The following PHLPP1 variants were observed in gnomAD, a reference collection of about 807,000 sequenced individuals.
PHLPP1 encodes the protein PH domain leucine-rich repeat-containing protein phosphatase 1.
In PHLPP1, 42 loss-of-function variants were observed where a neutral mutation model predicts 117.2. That is an observed-to-expected ratio of 0.36 (90% CI 0.28 to 0.46). The LOEUF is 0.46. PHLPP1 is among the 20% of genes least tolerant of loss of function. PHLPP1 has a pLI of 1.00. For missense variants in PHLPP1, 2,084 were observed against 2,241.9 expected, an observed-to-expected ratio of 0.93 and a Z score of 1.42; for synonymous variants, 1,042 against 970.7, an observed-to-expected ratio of 1.07 and a Z score of -1.37.
intron 10 of PHLPP1, among the ~76,000 whole-genome samples, chr18:62,923,222 G>A (rs1449614545): frequency 2.0e-5 from 3 of 152,194 alleles, no homozygotes; most frequent in Non-Finnish European, 2.9e-5. Context: ...TGGAGGCTGC[G>A]AGGGGAGGAC....
chr18:62,754,057 GCTTGT>G (rs1206041806), intron 1 of PHLPP1, among the ~76,000 whole-genome samples: 1 of 152,132 alleles, frequency 6.6e-6, no homozygotes, highest in African/African-American at 2.4e-5. Flanking sequence ...TTCCCACCCT[GCTTGT>G]CTTAAACACT....
At chr18:62,871,153 G>A (rs1395063307) in intron 4 of PHLPP1, among the ~76,000 whole-genome samples, 2 of 152,054 alleles carry the variant, frequency 1.3e-5, no homozygotes, top group Non-Finnish European at 2.9e-5. Flanking sequence ...AGTCAGTGAA[G>A]AAGACAACTT....
At chr18:62,902,255 G>C (rs1438915423) in intron 6 of PHLPP1, among the ~76,000 whole-genome samples, 1 of 152,030 alleles carries the variant, frequency 6.6e-6, no homozygotes, top group Admixed American at 6.5e-5. Context: ...TTTTTGTCCG[G>C]CATTCTAAGA....
At chr18:62,784,501 T>A (rs779246755) in intron 1 of PHLPP1, among the ~76,000 whole-genome samples, 4 of 152,158 alleles carry the variant, frequency 2.6e-5, no homozygotes, top group Non-Finnish European at 5.9e-5. Flanking sequence ...GGAAGAGAAG[T>A]TTAAGGGCTA....
intron 1 of PHLPP1, among the ~76,000 whole-genome samples, chr18:62,757,437 G>A (rs1338556472): frequency 6.6e-6 from 1 of 152,138 alleles, no homozygotes; most frequent in Non-Finnish European, 1.5e-5. Flanking sequence ...TTTTGAAAAA[G>A]GTGTGTTTTA....
intron 1 of PHLPP1, among the ~76,000 whole-genome samples, chr18:62,805,876 A>G (rs1048335898): frequency 2.0e-5 from 3 of 151,190 alleles, no homozygotes. Flanking sequence ...ATAGATTGCC[A>G]GTGTTGCTTT....
chr18:62,859,021 C>A (rs1382644683), intron 3 of PHLPP1, among the ~76,000 whole-genome samples: 1 of 152,122 alleles, frequency 6.6e-6, no homozygotes, highest in African/African-American at 2.4e-5. Flanking sequence ...TGAATCTGGA[C>A]ACTGAACTCA....
intron 8 of PHLPP1, among the ~76,000 whole-genome samples, chr18:62,912,347 C>CA (rs71340132): frequency 3.2e-5 from 4 of 126,070 alleles, no homozygotes; most frequent in Non-Finnish European, 3.5e-5. Flanking sequence ...CCTGATCCAT[C>CA]AAAAAAAAAA....
At chr18:62,951,116 G>T (rs1282073717) in intron 12 of PHLPP1, among the ~76,000 whole-genome samples, 2 of 151,958 alleles carry the variant, frequency 1.3e-5, no homozygotes, top group African/African-American at 4.8e-5. Context: ...CAAGTAGCTG[G>T]GACTACAGGT....
At chr18:62,849,663 A>AAC (rs1251605728) in intron 3 of PHLPP1, among the ~76,000 whole-genome samples, 4 of 148,764 alleles carry the variant, frequency 2.7e-5, no homozygotes, top group African/African-American at 5.0e-5. Context: ...AAAAAAAAAA[A>AAC]AAAAAATCTA....
chr18:62,734,107 A>G (rs1911300366), intron 1 of PHLPP1, among the ~76,000 whole-genome samples: 1 of 152,156 alleles, frequency 6.6e-6, no homozygotes. Flanking sequence ...ACACTGAGGG[A>G]CATTCTTGTA....
intron 1 of PHLPP1, among the ~76,000 whole-genome samples, chr18:62,745,142 C>T (rs1321702360): frequency 6.6e-6 from 1 of 152,154 alleles, no homozygotes; most frequent in Non-Finnish European, 1.5e-5. Context: ...CTAATGCATA[C>T]TTTGAAATTA....
Position 62,716,327 on chromosome 18 carries a change from A to G in PHLPP1, c.644A>G (p.Tyr215Cys), listed in dbSNP as rs1479429156. ...HVFDRHMAST[Y>C]LRPVLCTLDT... is the part of the protein sequence containing the mutation. ...TTCGACCGCCACATGGCCTCGACCT[A>G]CCTGCGCCCGGTGCTCTGCACACTG... Residue 215 changes from tyrosine to cysteine, a missense_variant, in exon 1 of 17, where the codon TAC (tyrosine) becomes TGC (cysteine). By Grantham distance (194) the Tyr-to-Cys change is radical. Transcript: ENST00000262719. The surrounding 1 kb of genome is among the most constrained non-coding windows in gnomAD (Gnocchi z 5.7). 4 of 1,529,418 alleles carry G rather than the reference A, an allele frequency of 2.6e-6. No individual in the cohort carries two copies. Among genetic ancestry groups the G allele is most frequent in the Non-Finnish European group, 3.5e-6 (4 of 1,144,846 alleles). 94.7% of individuals were successfully genotyped at this position (1,529,418 alleles called of 1,614,324 possible). A position where few individuals can be genotyped will look rare whatever the true frequency, so the allele number is the denominator to read the frequency against.
intron 8 of PHLPP1, among the ~76,000 whole-genome samples, chr18:62,914,020 C>G (rs1568159718): frequency 6.6e-6 from 1 of 152,104 alleles, no homozygotes; most frequent in Non-Finnish European, 1.5e-5. Flanking sequence ...GCCGGGATTA[C>G]AAGCATGAGC....
At chr18:62,932,832 C>G (rs1160463789) in intron 10 of PHLPP1, among the ~76,000 whole-genome samples, 1 of 152,052 alleles carries the variant, frequency 6.6e-6, no homozygotes, top group Non-Finnish European at 1.5e-5. Flanking sequence ...ATTATCCGTT[C>G]GTTGATGATA....
intron 4 of PHLPP1, among the ~76,000 whole-genome samples, chr18:62,878,222 A>G (rs1401505443): frequency 1.3e-5 from 2 of 152,216 alleles, no homozygotes; most frequent in African/African-American, 4.8e-5. Context: ...GTATAGAGTA[A>G]AAGGACCAAA....
intron 10 of PHLPP1, among the ~76,000 whole-genome samples, chr18:62,939,112 T>C (rs763093581): frequency 5.3e-4 from 80 of 150,830 alleles, no homozygotes; most frequent in Non-Finnish European, 1.0e-3. Flanking sequence ...TGCCTCACCC[T>C]CTCGAGTAGC....
chr18:62,816,474 G>C (rs1001944818), intron 1 of PHLPP1, among the ~76,000 whole-genome samples: 1 of 152,172 alleles, frequency 6.6e-6, no homozygotes, highest in Non-Finnish European at 1.5e-5. Flanking sequence ...GGCTAAGGCA[G>C]GAGAATCACT....
intron 9 of PHLPP1, among the ~76,000 whole-genome samples, chr18:62,917,940 C>T (rs188170402): frequency 2.0e-5 from 3 of 152,306 alleles, no homozygotes; most frequent in Non-Finnish European, 4.4e-5. Flanking sequence ...CACAGTGGCT[C>T]ATGCCTGTAA....
Sources: gnomAD v4.1 joint callset for allele counts (sites outside exome capture counted in the v4.1 genomes callset) on GRCh38, gnomAD v4.1.1 for gene constraint, Gnocchi (gnomAD v3.1) non-coding constraint, MANE v1.5 for transcripts, NCBI Gene and HGNC (gene_info 2026-07-23, HGNC 2026-07-21) for gene names.